The following MAP4K4 variants were observed in gnomAD, a reference collection of about 807,000 sequenced individuals.
The protein encoded by MAP4K4 is HPK/GCK-like kinase HGK.
In MAP4K4, 38 loss-of-function variants were observed where a neutral mutation model predicts 189.6. That is an observed-to-expected ratio of 0.20 (90% CI 0.15 to 0.26). The LOEUF (loss-of-function observed/expected upper bound fraction) is 0.26, where lower values mean the gene tolerates loss of function less well. MAP4K4 is among the 10% of genes least tolerant of loss of function. The probability of loss-of-function intolerance (pLI) is 1.00; values close to 1 mark genes in which losing one functional copy is unlikely to be tolerated. For synonymous variants in MAP4K4, 610 were observed against 624.3 expected (o/e 0.98, Z 0.34); for missense variants, 1,054 against 1,726.9 (o/e 0.61, Z 6.91).
exon 2 of MAP4K4, chr2:101,698,519 C>T: frequency 6.2e-7 from 1 of 1,613,842 alleles, no homozygotes; most frequent in Non-Finnish European, 8.5e-7. Context: ...GGAAATGGCA[C>T]CTATGGACAA....
chr2:101,807,289 G>C (rs75715361), intron 3 of MAP4K4, among the ~76,000 whole-genome samples: 6 of 151,946 alleles, frequency 3.9e-5, no homozygotes, highest in Non-Finnish European at 7.4e-5. Flanking sequence ...AAACTCCTGG[G>C]CTCAAGGGCT....
In MAP4K4 at chr2:101,844,319, A is replaced by G. The variant is rs1011048918; in HGVS notation, c.1233+8A>G. ...AGGCGACGGCTAGAAGAGGTAGCAA[A>G]AGGAAAATGTCCAAGTTGGTTGGTC... On this transcript the variant is annotated splice_region_variant and intron_variant, in intron 12 of 32. Coordinates refer to ENST00000324219, the Ensembl canonical transcript of MAP4K4. The G allele has an allele frequency of 6.4e-7, 1 of 1,552,312 alleles. No homozygotes were observed. The highest frequency in any genetic ancestry group is 1.4e-5 in the African/African-American group (1 of 72,948).
intron 20 of MAP4K4, chr2:101,867,691 C>G (rs991477876): frequency 1.8e-5 from 7 of 382,780 alleles, no homozygotes; most frequent in African/African-American, 1.4e-4. Context: ...TTAACCTTTA[C>G]TTATTCTTCG....
chr2:101,847,786 T>C (rs1317590245), intron 12 of MAP4K4, among the ~76,000 whole-genome samples: 2 of 152,190 alleles, frequency 1.3e-5, no homozygotes, highest in Admixed American at 1.3e-4. Context: ...TGCACAGTGT[T>C]TATGAAGTCT....
chr2:101,866,649 C>A, intron 19 of MAP4K4, 70 bp downstream of exon 19: 2 of 1,567,392 alleles, frequency 1.3e-6, no homozygotes, highest in South Asian at 1.1e-5. Context: ...GGAAGTTTGT[C>A]TTAATCTGTA....
At chr2:101,870,574 G>T (rs1344970049) in intron 23 of MAP4K4, 159 bp downstream of exon 23, 1 of 916,916 alleles carries the variant, frequency 1.1e-6, no homozygotes, top group East Asian at 2.7e-5. Context: ...AGGGAGGCAG[G>T]TGTGTACTGC....
chr2:101,856,148 C>T lies in MAP4K4; in HGVS notation c.1395+10C>T. On this transcript the variant is annotated intron_variant, in intron 13 of 32. Transcript: ENST00000324219. Reference sequence around the variant, plus strand: ...AGTTGAAAGAGAACAGGTTAGTTCACAGATAACATAGCAGGCATACACTTG... The same window carrying T: ...AGTTGAAAGAGAACAGGTTAGTTCATAGATAACATAGCAGGCATACACTTG... 1 of 1,547,906 alleles carries T rather than the reference C, an allele frequency of 6.5e-7. No individual in the cohort carries two copies. The highest frequency in any genetic ancestry group is 8.7e-7 in the Non-Finnish European group (1 of 1,146,040).
chr2:101,726,710 A>G (rs545579086), intron 2 of MAP4K4, among the ~76,000 whole-genome samples: 3 of 152,316 alleles, frequency 2.0e-5, no homozygotes, highest in South Asian at 2.1e-4. Flanking sequence ...CTTAAACTAC[A>G]TGGGAAAGAG....
intron 2 of MAP4K4, among the ~76,000 whole-genome samples, chr2:101,783,324 T>C (rs1040530706): frequency 1.3e-5 from 2 of 152,152 alleles, no homozygotes; most frequent in Non-Finnish European, 2.9e-5. Flanking sequence ...TTACTTGTTA[T>C]GAATCTAACC....
intron 2 of MAP4K4, among the ~76,000 whole-genome samples, chr2:101,714,442 G>A (rs983057535): frequency 3.9e-5 from 6 of 152,006 alleles, no homozygotes; most frequent in African/African-American, 1.5e-4. Flanking sequence ...TTTCAAAAGA[G>A]GCTGTTTGAC....
chr2:101,877,435 T>C (rs2098235856), intron 27 of MAP4K4, among the ~76,000 whole-genome samples: 1 of 151,954 alleles, frequency 6.6e-6, no homozygotes, highest in Non-Finnish European at 1.5e-5. Context: ...TTCATTTGCC[T>C]TGTCCAATAT....
chr2:101,700,452 G>A (rs965572272), intron 2 of MAP4K4, among the ~76,000 whole-genome samples: 1 of 152,154 alleles, frequency 6.6e-6, no homozygotes, highest in African/African-American at 2.4e-5. Context: ...TGCAAACCTA[G>A]GGAATTAAAT....
chr2:101,891,015 C>T, intron 32 of MAP4K4, 151 bp from the exon 33 acceptor site: 1 of 633,810 alleles, frequency 1.6e-6, no homozygotes, highest in Non-Finnish European at 2.9e-6. Flanking sequence ...TGAGCCACTG[C>T]ACCTGGCCTC....
At chr2:101,887,344 T>G (rs371181825) in intron 30 of MAP4K4, 107 bp downstream of exon 30, 1 of 1,157,800 alleles carries the variant, frequency 8.6e-7, no homozygotes, top group South Asian at 1.6e-5. Flanking sequence ...TCATTTCCCC[T>G]TGGTGTGGGG....
chr2:101,784,263 C>CGTGTGTGTGTGT (rs143119918), intron 2 of MAP4K4, among the ~76,000 whole-genome samples: 1 of 146,654 alleles, frequency 6.8e-6, no homozygotes, highest in African/African-American at 2.6e-5. Context: ...TGATGCTCTT[C>CGTGTGTGTGTGT]GTGTGTGTGT....
intron 2 of MAP4K4, among the ~76,000 whole-genome samples, chr2:101,786,435 A>G (rs2091274970): frequency 6.6e-6 from 1 of 152,166 alleles, no homozygotes; most frequent in Non-Finnish European, 1.5e-5. Flanking sequence ...CCTGAAATTT[A>G]AAGACTAAAA....
intron 2 of MAP4K4, among the ~76,000 whole-genome samples, chr2:101,760,138 G>A (rs1361893510): frequency 6.6e-6 from 1 of 152,068 alleles, no homozygotes; most frequent in Non-Finnish European, 1.5e-5. Flanking sequence ...GAGCCACTGT[G>A]TCAGCCAGCT....
chr2:101,797,428 C>T, intron 3 of MAP4K4: 1 of 1,281,006 alleles, frequency 7.8e-7, no homozygotes, highest in South Asian at 1.2e-5. Flanking sequence ...TATCCCCCTC[C>T]TGCACCGCCC....
At chr2:101,860,851 C>G (rs2097630275) in exon 16 of MAP4K4, 2 of 1,608,774 alleles carry the variant, frequency 1.2e-6, no homozygotes, top group South Asian at 2.2e-5. Context: ...GGAAAACTAA[C>G]CACAGCTCCC....
Sources: allele counts gnomAD v4.1 joint callset (sites outside exome capture counted in the v4.1 genomes callset), GRCh38; gene constraint gnomAD v4.1.1; transcripts MANE v1.5; gene names NCBI Gene and HGNC (gene_info 2026-07-23, HGNC 2026-07-21).